Variants in ARMC8 observed in about 807,000 individuals in gnomAD.
ARMC8 encodes armadillo repeat-containing protein 8.
Under a neutral mutation model 99.3 loss-of-function variants are expected in ARMC8, and 20 were observed. That is an observed-to-expected ratio of 0.20 (90% CI 0.14 to 0.29). ARMC8 has a LOEUF of 0.29. ARMC8 is among the 10% of genes least tolerant of loss of function. The pLI, the probability that ARMC8 is intolerant of heterozygous loss-of-function variation, is 1.00. For missense variants in ARMC8, 569 were observed against 809.5 expected, an observed-to-expected ratio of 0.70 and a Z score of 3.60; for synonymous variants, 263 against 278.3, an observed-to-expected ratio of 0.95 and a Z score of 0.55.
intron 12 of ARMC8, among the ~76,000 whole-genome samples, chr3:138,256,324 C>T (rs939599901): frequency 2.6e-5 from 4 of 152,008 alleles, no homozygotes; most frequent in Admixed American, 6.5e-5. Flanking sequence ...GCCATTTGTA[C>T]CCCCAACCAA....
intron 1 of ARMC8, among the ~76,000 whole-genome samples, chr3:138,205,344 C>T (rs565972540): frequency 1.2e-4 from 18 of 152,008 alleles, no homozygotes; most frequent in East Asian, 1.2e-3. Flanking sequence ...CCACCACGCC[C>T]GGCGGCAATT....
At chr3:138,256,186 A>C (rs145424721) in intron 12 of ARMC8, among the ~76,000 whole-genome samples, 122 of 152,326 alleles carry the variant, frequency 8.0e-4, no homozygotes, top group Non-Finnish European at 1.4e-3. Context: ...TTTGGTTACT[A>C]TCTGCTAAAG....
intron 6 of ARMC8, among the ~76,000 whole-genome samples, chr3:138,231,450 T>C (rs1257504779): frequency 6.6e-6 from 1 of 152,156 alleles, no homozygotes; most frequent in Non-Finnish European, 1.5e-5. Flanking sequence ...AAGGGAGAGC[T>C]CACTAAAGCA....
At chr3:138,196,270 TAGG>T (rs2043731590) in intron 1 of ARMC8, among the ~76,000 whole-genome samples, 1 of 152,060 alleles carries the variant, frequency 6.6e-6, no homozygotes, top group African/African-American at 2.4e-5. Flanking sequence ...CGGTGAGAAT[TAGG>T]AGAGGAATTT....
chr3:138,291,215 A>C (rs2050913083), intron 21 of ARMC8, among the ~76,000 whole-genome samples: 1 of 152,216 alleles, frequency 6.6e-6, no homozygotes, highest in Non-Finnish European at 1.5e-5. Context: ...ATAACAAATC[A>C]GGGAACATCA....
At chr3:138,284,401 C>T (rs2050211093) in intron 18 of ARMC8, 30 bp from the exon 19 acceptor site, 2 of 1,567,450 alleles carry the variant, frequency 1.3e-6, no homozygotes, top group Non-Finnish European at 1.8e-6. Flanking sequence ...TCAGAGCTTT[C>T]CTGACTGTTG....
Position 138,272,148 on chromosome 3 carries a change from C to A in ARMC8, c.1480-819C>A, listed in dbSNP as rs559662177. ...ACTGGTAGCTCAGACACACCTCCTA[C>A]CCTCTGGAGAGCTTCCTGTGTGATA... is the stretch of plus-strand genomic sequence containing the variant. On this transcript the variant is annotated intron_variant, in intron 16 of 21. Coordinates refer to ENST00000469044, the MANE Select transcript of ARMC8 (RefSeq NM_001363941.2). 2.9e-4 allele frequency among the ~76,000 whole-genome samples: 44 copies of A among 152,332 alleles called. No homozygotes were observed. The South Asian group carries it at 9.1e-3, about 32-fold the overall frequency.
rs1389026692 is a variant in ARMC8 at position 138,267,248 on chromosome 3, AT to A, written c.1386+9del. ...ATTTTCTCCAAGCAAAGAGGTTAGT[AT>A]TGATTTTCTTTTCCTAGACTTTGCC... On this transcript the variant is annotated splice_region_variant and intron_variant, in intron 15 of 21. Coordinates refer to ENST00000469044, the MANE Select transcript of ARMC8 (RefSeq NM_001363941.2). The A allele has an allele frequency of 1.3e-6, 2 of 1,527,102 alleles. No homozygotes were observed. The highest frequency in any genetic ancestry group is 4.1e-5 in the Admixed American group (2 of 49,242). 94.6% of individuals were successfully genotyped at this position (1,527,102 alleles called of 1,614,324 possible). A position where few individuals can be genotyped will look rare whatever the true frequency, so the allele number is the denominator to read the frequency against.
chr3:138,215,842 G>GTTTATTTA (rs542446224), intron 2 of ARMC8, among the ~76,000 whole-genome samples: 1 of 151,304 alleles, frequency 6.6e-6, no homozygotes, highest in African/African-American at 2.4e-5. Context: ...ACTTTTCATG[G>GTTTATTTA]TTTATTTATT....
At chr3:138,236,367 A>G (rs2046333546) in intron 7 of ARMC8, among the ~76,000 whole-genome samples, 1 of 152,132 alleles carries the variant, frequency 6.6e-6, no homozygotes, top group African/African-American at 2.4e-5. Context: ...TTGTTCCTTT[A>G]CTTCATCTCC....
intron 19 of ARMC8, among the ~76,000 whole-genome samples, chr3:138,287,305 A>G (rs951657535): frequency 1.3e-5 from 2 of 152,134 alleles, no homozygotes; most frequent in Non-Finnish European, 2.9e-5. Context: ...AGACCTTTTC[A>G]GGAACTTTTT....
chr3:138,271,798 C>CTTTTTTTTTTTTTTTTTTTTTTTT (rs776320900), intron 16 of ARMC8, among the ~76,000 whole-genome samples: 1 of 136,132 alleles, frequency 7.3e-6, no homozygotes, highest in African/African-American at 2.8e-5. Context: ...TTTTTTCTTT[C>CTTTTTTTTTTTTTTTTTTTTTTTT]TTTTTTTTTT....
chr3:138,278,514 A>G (rs2049535914), intron 18 of ARMC8, among the ~76,000 whole-genome samples: 5 of 152,134 alleles, frequency 3.3e-5, no homozygotes. Flanking sequence ...AAAAAAAAAA[A>G]GATTCTATAC....
chr3:138,249,136 C>A (rs1005751860), intron 12 of ARMC8, among the ~76,000 whole-genome samples: 2 of 152,164 alleles, frequency 1.3e-5, no homozygotes, highest in African/African-American at 2.4e-5. Flanking sequence ...AATGAACACA[C>A]AGACAAATGG....
chr3:138,295,693 C>T (rs2108409126), intron 21 of ARMC8, among the ~76,000 whole-genome samples, 166 bp from the exon 22 acceptor site: 1 of 152,352 alleles, frequency 6.6e-6, no homozygotes, highest in Non-Finnish European at 1.5e-5. Flanking sequence ...GGTGTCTACC[C>T]ACTGCAGATC....
intron 5 of ARMC8, chr3:138,228,608 G>A: frequency 2.2e-6 from 1 of 447,730 alleles, no homozygotes; most frequent in Non-Finnish European, 4.4e-6. Context: ...TTTGGTTTCA[G>A]AACTGATTTC....
intron 14 of ARMC8, 52 bp downstream of exon 14, chr3:138,264,264 A>C (rs2048033496): frequency 7.1e-7 from 1 of 1,415,270 alleles, no homozygotes; most frequent in Non-Finnish European, 1.0e-6. Flanking sequence ...CCCTAGAGTG[A>C]GCTGAGCTAG....
rs1329760874 is a variant in ARMC8 at position 138,237,518 on chromosome 3, T to C, written c.722T>C (p.Val241Ala). 6.2e-7 allele frequency: 1 copy of C among 1,613,976 alleles called. No homozygotes were observed. The highest frequency in any genetic ancestry group is 1.7e-5 in the Admixed American group (1 of 60,028). Residue 241 changes from valine to alanine, a missense_variant, in exon 9 of 22, where the codon GTG becomes GCG. This residue lies in a region of ARMC8 where 342 missense variants were observed against 391.6 expected (regional missense o/e 0.87). Coordinates refer to ENST00000469044, the MANE Select transcript of ARMC8 (RefSeq NM_001363941.2). ...GGAGAATTGTTACCACAGATTTTTGTGAAGATGTTACAGAGGGATAAGCCT... is the reference window on the plus strand; with the variant it reads ...GGAGAATTGTTACCACAGATTTTTGCGAAGATGTTACAGAGGGATAAGCCT... ...VDGELLPQIF[V>A]KMLQRDKPIE...
At chr3:138,197,715 A>T (rs1265751101) in intron 1 of ARMC8, among the ~76,000 whole-genome samples, 1 of 152,160 alleles carries the variant, frequency 6.6e-6, no homozygotes, top group Non-Finnish European at 1.5e-5. Context: ...GCTCCCTTGG[A>T]CTTTCAGATT....
Sources: gnomAD v4.1 joint callset for allele counts (sites outside exome capture counted in the v4.1 genomes callset) on GRCh38, gnomAD v4.1.1 for gene constraint, gnomAD v4.1.1 regional missense constraint, MANE v1.5 for transcripts, NCBI Gene and HGNC (gene_info 2026-07-23, HGNC 2026-07-21) for gene names.